Variants in BMPR1A observed in about 807,000 individuals in gnomAD.
The protein encoded by BMPR1A is bone morphogenetic protein receptor type 1A.
In BMPR1A, 7 loss-of-function variants were observed where a neutral mutation model predicts 66.0. The observed-to-expected ratio is 0.11, with a 90% confidence interval of 0.06 to 0.20. The LOEUF (loss-of-function observed/expected upper bound fraction) is 0.20, where lower values mean the gene tolerates loss of function less well. BMPR1A is among the 10% of genes least tolerant of loss of function. The pLI is 1.00. For synonymous variants in BMPR1A, 200 were observed against 229.7 expected, an observed-to-expected ratio of 0.87 and a Z score of 1.17; for missense variants, 408 against 669.1, an observed-to-expected ratio of 0.61 and a Z score of 4.31.
rs1343653564 is a variant in BMPR1A, at chr10:86,926,539, TAAC to T, written c.*2823_*2825del. ...CATCTCAAATAAACAAACAAATAAATAACAAAAAACAAAAATGTTGCATTAAAC... is the reference window on the plus strand; with the variant it reads ...CATCTCAAATAAACAAACAAATAAATAAAAAACAAAAATGTTGCATTAAAC... On this transcript the variant is annotated 3_prime_UTR_variant, in exon 13 of 13. Transcript: ENST00000372037. 1 of 173,842 alleles carries T rather than the reference TAAC, an allele frequency of 5.8e-6. No homozygotes were observed. The highest frequency in any genetic ancestry group is 1.2e-5 in the Non-Finnish European group (1 of 80,480). 10.8% of individuals were successfully genotyped at this position (173,842 alleles called of 1,614,324 possible).
chr10:86,843,000 G>A (rs764641396), intron 2 of BMPR1A, among the ~76,000 whole-genome samples: 91 of 152,132 alleles, frequency 6.0e-4, no homozygotes, highest in African/African-American at 2.0e-3. Context: ...AAACCATATC[G>A]TTGGTGATAT....
intron 1 of BMPR1A, among the ~76,000 whole-genome samples, chr10:86,793,326 T>C (rs995141423): frequency 6.6e-6 from 1 of 151,524 alleles, no homozygotes; most frequent in East Asian, 1.9e-4. Flanking sequence ...TCATCTGTAC[T>C]GGAGACAGGA....
chr10:86,778,752 C>G (rs1841392992), intron 1 of BMPR1A, among the ~76,000 whole-genome samples: 1 of 151,884 alleles, frequency 6.6e-6, no homozygotes, highest in South Asian at 2.1e-4. Flanking sequence ...CTGTCCCTCC[C>G]TTTCCTCTAC....
At chr10:86,873,887 T>C (rs890603544) in intron 2 of BMPR1A, among the ~76,000 whole-genome samples, 2 of 152,196 alleles carry the variant, frequency 1.3e-5, no homozygotes, top group African/African-American at 4.8e-5. Flanking sequence ...AAATAAGAGA[T>C]TGCAGGGATT....
intron 3 of BMPR1A, among the ~76,000 whole-genome samples, chr10:86,882,029 GA>G (rs1000656988): frequency 4.6e-5 from 7 of 151,644 alleles, no homozygotes; most frequent in Non-Finnish European, 1.0e-4. Flanking sequence ...GATACACATT[GA>G]AATATTTACA....
intron 1 of BMPR1A, among the ~76,000 whole-genome samples, chr10:86,768,509 A>G (rs1279550417): frequency 6.6e-6 from 1 of 152,150 alleles, no homozygotes; most frequent in African/African-American, 2.4e-5. Flanking sequence ...CATTTTATCA[A>G]TTTGCATAGA....
At chr10:86,866,180 C>T (rs907892341) in intron 2 of BMPR1A, among the ~76,000 whole-genome samples, 1 of 151,498 alleles carries the variant, frequency 6.6e-6, no homozygotes, top group Non-Finnish European at 1.5e-5. Flanking sequence ...AGCATCCCAG[C>T]TCCAGCATCA....
intron 2 of BMPR1A, among the ~76,000 whole-genome samples, chr10:86,869,317 A>T (rs1273031310): frequency 1.3e-5 from 2 of 151,770 alleles, no homozygotes; most frequent in Non-Finnish European, 2.9e-5. Flanking sequence ...AATTAGCTGG[A>T]CGTGGTGGTG....
intron 1 of BMPR1A, among the ~76,000 whole-genome samples, chr10:86,786,308 AC>A (rs1841517241): frequency 6.6e-6 from 1 of 151,324 alleles, no homozygotes. Flanking sequence ...TTCATTTCCC[AC>A]CCCGACCCCT....
chr10:86,881,046 T>A (rs1339700810), intron 3 of BMPR1A, among the ~76,000 whole-genome samples: 2 of 152,018 alleles, frequency 1.3e-5, no homozygotes, highest in Non-Finnish European at 2.9e-5. Context: ...AAAAAAATAG[T>A]TTGAGACCAG....
intron 1 of BMPR1A, among the ~76,000 whole-genome samples, chr10:86,792,278 G>A (rs1841638861): frequency 6.6e-6 from 1 of 151,898 alleles, no homozygotes; most frequent in South Asian, 2.1e-4. Context: ...TGTTAGCCAG[G>A]ATGGTCTTGA....
intron 8 of BMPR1A, among the ~76,000 whole-genome samples, chr10:86,912,928 G>A (rs975286507): frequency 6.6e-6 from 1 of 151,946 alleles, no homozygotes; most frequent in Non-Finnish European, 1.5e-5. Flanking sequence ...CAACAAATTT[G>A]GATGGATTCT....
chr10:86,775,931 C>T (rs1841341805), intron 1 of BMPR1A, among the ~76,000 whole-genome samples: 1 of 152,186 alleles, frequency 6.6e-6, no homozygotes, highest in Non-Finnish European at 1.5e-5. Flanking sequence ...TCCTTTTCGG[C>T]TGCTCACCCT....
rs1843499074 is a variant in BMPR1A, at chr10:86,912,154, A to G, written c.531-86A>G. On this transcript the variant is annotated intron_variant, in intron 7 of 12. Transcript: ENST00000372037. The stretch of plus-strand genomic sequence containing the variant: ...GGATAGGATTCTTTCTGAGGGAAGG[A>G]TAATGGTATAGAGAACCTCAAGGTT... 5 of 1,411,836 alleles carry G rather than the reference A, an allele frequency of 3.5e-6. No individual in the cohort carries two copies. The Admixed American group carries it at 7.6e-5, about 21-fold the overall frequency. 87.5% of individuals were successfully genotyped at this position (1,411,836 alleles called of 1,614,324 possible).
chr10:86,755,985 G>T (rs1847851846), upstream of BMPR1A: 1 of 152,258 alleles, frequency 6.6e-6, no homozygotes, highest in Admixed American at 6.5e-5. Flanking sequence ...AGAAACAAAT[G>T]CAATGTGACT....
intron 8 of BMPR1A, among the ~76,000 whole-genome samples, chr10:86,915,011 A>C (rs140623937): frequency 6.6e-6 from 1 of 152,342 alleles, no homozygotes; most frequent in East Asian, 1.9e-4. Context: ...CATACAGTGG[A>C]ATATTACTCA....
At position 86,927,274 on chromosome 10, in the gene BMPR1A, A is replaced by G. The variant is rs974043192; in HGVS notation, c.*3555A>G. 7.3e-5 allele frequency: 14 copies of G among 191,894 alleles called. No individual in the cohort carries two copies. Among genetic ancestry groups the G allele is most frequent in the Non-Finnish European group, 1.5e-4 (14 of 91,678 alleles). 11.9% of individuals were successfully genotyped at this position (191,894 alleles called of 1,614,324 possible). ...TTATTCCAGGGCAGCTTTCATAAAC[A>G]TACTTCATAGATGTTGTTTTGAAAT... On this transcript the variant is annotated 3_prime_UTR_variant, in exon 13 of 13. Transcript: ENST00000372037.
chr10:86,904,433 T>C (rs977816523), intron 7 of BMPR1A, among the ~76,000 whole-genome samples: 1 of 152,178 alleles, frequency 6.6e-6, no homozygotes, highest in Non-Finnish European at 1.5e-5. Flanking sequence ...GTCAAGAAGA[T>C]AGCGAACCAA....
chr10:86,777,202 CCA>C (rs1841364240), intron 1 of BMPR1A, among the ~76,000 whole-genome samples: 1 of 152,090 alleles, frequency 6.6e-6, no homozygotes, highest in South Asian at 2.1e-4. Flanking sequence ...TAGAGAAACC[CCA>C]GTTTCTCTAT....
Sources: gnomAD v4.1 joint callset for allele counts (sites outside exome capture counted in the v4.1 genomes callset) on GRCh38, gnomAD v4.1.1 for gene constraint, MANE v1.5 for transcripts, NCBI Gene and HGNC (gene_info 2026-07-23, HGNC 2026-07-21) for gene names.